Variants in NUDCD1 observed in about 807,000 individuals in gnomAD.
NUDCD1 encodes NudC domain containing 1.
Under a neutral mutation model 67.8 loss-of-function variants are expected in NUDCD1, and 60 were observed. That is an observed-to-expected ratio of 0.88 (90% CI 0.72 to 1.10). NUDCD1 has a LOEUF of 1.10. NUDCD1 is among the 50% of genes least tolerant of loss of function. NUDCD1 has a pLI of 0.00. For synonymous variants in NUDCD1, 244 were observed against 230.8 expected, an observed-to-expected ratio of 1.06 and a Z score of -0.52; for missense variants, 643 against 695.0, an observed-to-expected ratio of 0.93 and a Z score of 0.84.
In NUDCD1 at chr8:109,245,252, A is replaced by G. The variant is rs1813465457; in HGVS notation, c.1459+70T>C. The G allele has an allele frequency of 2.1e-6, 3 of 1,441,832 alleles. No individual in the cohort carries two copies. The Admixed American group carries it at 6.1e-5, about 29-fold the overall frequency. 89.3% of individuals were successfully genotyped at this position (1,441,832 alleles called of 1,614,324 possible). On this transcript the variant is annotated intron_variant, in intron 9 of 9. Coordinates refer to ENST00000239690, the MANE Select transcript of NUDCD1 (RefSeq NM_032869.4). Reference sequence around the variant, plus strand: ...AGCTCAAATTAAAAAGAAAAAAAAGAAATGAACTTTAAATGAATGATGACT... The same window carrying G: ...AGCTCAAATTAAAAAGAAAAAAAAGGAATGAACTTTAAATGAATGATGACT...
intron 8 of NUDCD1, among the ~76,000 whole-genome samples, chr8:109,258,663 G>A (rs1255015392): frequency 1.3e-5 from 2 of 151,840 alleles, no homozygotes; most frequent in African/African-American, 2.4e-5. Flanking sequence ...TATTCCTGGA[G>A]AAAGGCTCAG....
In NUDCD1 at chr8:109,245,358, C is replaced by T. The variant is rs1400106351; in HGVS notation, c.1423G>A (p.Asp475Asn). 1.2e-6 allele frequency: 2 copies of T among 1,613,886 alleles called. No homozygotes were observed. Among genetic ancestry groups the T allele is most frequent in the Admixed American group, 1.7e-5 (1 of 59,982 alleles). ...AAAGTTGCGATGTGCTCCCACATAT[C>T]ATCTTGTTTGCTGGAGTGTGGTTGC... ...LWQPHSSKQD[D>N]MWEHIATFNA... Residue 475 changes from aspartate to asparagine, a missense_variant, in exon 9 of 10, where the codon GAT (aspartate) becomes AAT (asparagine). Transcript: ENST00000239690.
intron 1 of NUDCD1, among the ~76,000 whole-genome samples, chr8:109,328,045 T>C (rs1815718439): frequency 6.6e-6 from 1 of 152,214 alleles, no homozygotes; most frequent in Non-Finnish European, 1.5e-5. Context: ...AGGAACCAGA[T>C]TTATCTTTCC....
At chr8:109,243,401 T>A in intron 9 of NUDCD1, 100 bp from the exon 10 acceptor site, 1 of 951,512 alleles carries the variant, frequency 1.1e-6, no homozygotes, top group Non-Finnish European at 1.5e-6. Flanking sequence ...TTATTACAAA[T>A]TAAAATGCCC....
At chr8:109,273,001 A>C (rs1814192572) in intron 7 of NUDCD1, among the ~76,000 whole-genome samples, 1 of 152,188 alleles carries the variant, frequency 6.6e-6, no homozygotes, top group Non-Finnish European at 1.5e-5. Context: ...TAGAAGCAGA[A>C]AAAATTAAAA....
intron 2 of NUDCD1, 32 bp downstream of exon 2, chr8:109,322,277 T>C (rs1392353460): frequency 3.3e-6 from 4 of 1,214,996 alleles, no homozygotes; most frequent in Non-Finnish European, 4.7e-6. Flanking sequence ...ATTACATACA[T>C]ATATTAATTA....
At chr8:109,303,638 C>A (rs1404554449) in intron 2 of NUDCD1, among the ~76,000 whole-genome samples, 1 of 142,358 alleles carries the variant, frequency 7.0e-6, no homozygotes, top group African/African-American at 2.6e-5. Flanking sequence ...TCATTGCCAC[C>A]TTTTTCCCCA....
chr8:109,275,616 G>A (rs1021929738), intron 6 of NUDCD1, 120 bp from the exon 7 acceptor site: 33 of 872,248 alleles, frequency 3.8e-5, no homozygotes, highest in Non-Finnish European at 5.1e-5. Flanking sequence ...TCCAGAGGAT[G>A]GTTTACCAAA....
At chr8:109,333,207 T>C (rs1364878895) in intron 1 of NUDCD1, among the ~76,000 whole-genome samples, 1 of 152,188 alleles carries the variant, frequency 6.6e-6, no homozygotes, top group Non-Finnish European at 1.5e-5. Flanking sequence ...AAAACATGCA[T>C]CAGAATCAGC....
chr8:109,277,546 CTT>C (rs2129973126), intron 6 of NUDCD1, among the ~76,000 whole-genome samples: 1 of 151,900 alleles, frequency 6.6e-6, no homozygotes, highest in African/African-American at 2.4e-5. Flanking sequence ...ACAACAGTAA[CTT>C]TTGAAAACGA....
At position 109,280,967 on chromosome 8, in the gene NUDCD1, C is replaced by A. The variant is rs752062624; in HGVS notation, c.1028+1G>T. ...ATTAAAGTAAAATTAAAAAAAAATA[C>A]CTATTACTCTCTTTAATTATCCATG... On this transcript the variant is annotated splice_donor_variant, in intron 6 of 9. Coordinates refer to ENST00000239690, the MANE Select transcript of NUDCD1 (RefSeq NM_032869.4). LOFTEE classifies it high-confidence loss of function. 4.2e-6 allele frequency: 6 copies of A among 1,425,688 alleles called. No homozygotes were observed. The East Asian group carries it at 1.2e-4, about 28-fold the overall frequency. 88.3% of individuals were successfully genotyped at this position (1,425,688 alleles called of 1,614,324 possible). A position where few individuals can be genotyped will look rare whatever the true frequency, so the allele number is the denominator to read the frequency against.
chr8:109,327,616 C>T (rs929306320), intron 1 of NUDCD1, among the ~76,000 whole-genome samples: 1 of 152,180 alleles, frequency 6.6e-6, no homozygotes, highest in Non-Finnish European at 1.5e-5. Context: ...AAGCTTCAGT[C>T]GAAATATGCA....
At chr8:109,243,334 C>T in intron 9 of NUDCD1, 33 bp from the exon 10 acceptor site, 1 of 1,501,294 alleles carries the variant, frequency 6.7e-7, no homozygotes, top group Non-Finnish European at 9.0e-7. Flanking sequence ...AAAAGAAAAA[C>T]TATATATTAA....
At chr8:109,268,136 C>G (rs1194340067) in intron 8 of NUDCD1, among the ~76,000 whole-genome samples, 1 of 152,044 alleles carries the variant, frequency 6.6e-6, no homozygotes, top group East Asian at 1.9e-4. Context: ...GACTTCTTCC[C>G]CACTCTTGAT....
intron 5 of NUDCD1, among the ~76,000 whole-genome samples, chr8:109,288,922 A>T (rs1814634882): frequency 6.6e-6 from 1 of 152,074 alleles, no homozygotes; most frequent in Non-Finnish European, 1.5e-5. Context: ...AACAGCTTTA[A>T]AAGAATGTCT....
At chr8:109,283,946 A>G (rs575058592) in intron 5 of NUDCD1, among the ~76,000 whole-genome samples, 1 of 151,834 alleles carries the variant, frequency 6.6e-6, no homozygotes, top group South Asian at 2.1e-4. Context: ...AATGTAAATG[A>G]TCAAAACATC....
chr8:109,285,076 A>G (rs117309284), intron 5 of NUDCD1, among the ~76,000 whole-genome samples: 3,684 of 152,216 alleles, frequency 0.024, 62 homozygotes, highest in Middle Eastern at 0.11. Context: ...GAAAATGGAT[A>G]AATTCCTAGA....
intron 2 of NUDCD1, among the ~76,000 whole-genome samples, chr8:109,300,049 G>A (rs964549116): frequency 1.3e-5 from 2 of 152,138 alleles, no homozygotes; most frequent in African/African-American, 2.4e-5. Context: ...CATAGGAAAA[G>A]GGGGAGACTA....
At chr8:109,258,004 GT>G (rs1813777947) in intron 8 of NUDCD1, among the ~76,000 whole-genome samples, 1 of 152,024 alleles carries the variant, frequency 6.6e-6, no homozygotes, top group African/African-American at 2.4e-5. Context: ...AAAAATAGAT[GT>G]TAATTTTGAT....
Sources: allele counts gnomAD v4.1 joint callset (sites outside exome capture counted in the v4.1 genomes callset), GRCh38; gene constraint gnomAD v4.1.1; transcripts MANE v1.5; gene names NCBI Gene and HGNC (gene_info 2026-07-23, HGNC 2026-07-21).